Variants in WDR7 observed in about 807,000 individuals in gnomAD.
The protein encoded by WDR7 is WD repeat-containing protein 7.
WDR7 carries 46 observed loss-of-function variants against 169.4 expected under a neutral mutation model. That is an observed-to-expected ratio of 0.27 (90% CI 0.21 to 0.35). The LOEUF (loss-of-function observed/expected upper bound fraction) is 0.35. WDR7 is among the 10% of genes least tolerant of loss of function. The probability of loss-of-function intolerance (pLI) is 1.00; values close to 1 mark genes in which losing one functional copy is unlikely to be tolerated. For synonymous variants in WDR7, 612 were observed against 666.8 expected (o/e 0.92, Z 1.27); for missense variants, 1,534 against 1,859.3 (o/e 0.83, Z 3.22).
At chr18:56,989,381 A>G (rs149398643) in intron 26 of WDR7, among the ~76,000 whole-genome samples, 8,801 of 152,206 alleles carry the variant, frequency 0.058, 339 homozygotes, top group Non-Finnish European at 0.088. Context: ...TTAAAAAATG[A>G]TATTTTTTCC....
chr18:56,783,454 T>G (rs1048994050), intron 19 of WDR7, among the ~76,000 whole-genome samples: 1 of 152,164 alleles, frequency 6.6e-6, no homozygotes, highest in African/African-American at 2.4e-5. Flanking sequence ...AAGGACAAAC[T>G]ATGACTATAG....
intron 19 of WDR7, among the ~76,000 whole-genome samples, chr18:56,782,787 C>T (rs1047036146): frequency 1.4e-4 from 21 of 152,190 alleles, no homozygotes; most frequent in African/African-American, 4.8e-4. Flanking sequence ...CAGATCTTTG[C>T]CAGTGGTGAC....
At chr18:56,670,114 T>G (rs941355259) in intron 1 of WDR7, among the ~76,000 whole-genome samples, 2 of 152,192 alleles carry the variant, frequency 1.3e-5, no homozygotes, top group African/African-American at 4.8e-5. Context: ...CCCTTTTTTT[T>G]GTTTTTGTTT....
intron 20 of WDR7, among the ~76,000 whole-genome samples, chr18:56,829,179 C>T (rs1419662215): frequency 6.6e-6 from 1 of 150,706 alleles, no homozygotes; most frequent in African/African-American, 2.4e-5. Flanking sequence ...GTCTCAGCTA[C>T]TTGGGAGGCT....
At chr18:56,795,009 A>G (rs2044559352) in intron 19 of WDR7, among the ~76,000 whole-genome samples, 2 of 152,318 alleles carry the variant, frequency 1.3e-5, no homozygotes, top group Middle Eastern at 3.4e-3. Flanking sequence ...TACTTCTCTA[A>G]GGAGAATCTT....
At chr18:56,721,966 A>T (rs1369434370) in intron 13 of WDR7, among the ~76,000 whole-genome samples, 1 of 152,064 alleles carries the variant, frequency 6.6e-6, no homozygotes, top group Non-Finnish European at 1.5e-5. Flanking sequence ...AGGACTTGTG[A>T]ATTTATTTGT....
At chr18:56,876,152 A>G (rs987191878) in intron 20 of WDR7, among the ~76,000 whole-genome samples, 4 of 152,136 alleles carry the variant, frequency 2.6e-5, no homozygotes, top group Admixed American at 2.0e-4. Context: ...AGTAAAACAA[A>G]TAGATAAAAT....
intron 2 of WDR7, among the ~76,000 whole-genome samples, chr18:56,673,502 ATT>A (rs2144527637): frequency 6.6e-6 from 1 of 152,244 alleles, no homozygotes; most frequent in African/African-American, 2.4e-5. Context: ...ATTTTAGAAC[ATT>A]TTCATCACTT....
intron 13 of WDR7, among the ~76,000 whole-genome samples, chr18:56,719,957 G>A (rs1487779986): frequency 6.6e-6 from 1 of 152,180 alleles, no homozygotes; most frequent in African/African-American, 2.4e-5. Flanking sequence ...GCAATTGTAA[G>A]CTTGTGTGTG....
chr18:56,972,584 A>G (rs111297421), intron 26 of WDR7, among the ~76,000 whole-genome samples: 2,362 of 152,288 alleles, frequency 0.016, 27 homozygotes, highest in Non-Finnish European at 0.026. Context: ...AGGGGTGATC[A>G]TAAGATGAAT....
At chr18:56,815,696 T>C (rs956494534) in intron 19 of WDR7, among the ~76,000 whole-genome samples, 20 of 152,202 alleles carry the variant, frequency 1.3e-4, no homozygotes, top group African/African-American at 4.8e-4. Context: ...CTTTCCTCTT[T>C]GTTGAATAAT....
chr18:57,033,685 T>C (rs893169), downstream of WDR7: 77,639 of 149,812 alleles, frequency 0.52, 22,037 homozygotes, highest in South Asian at 0.65. Context: ...GCCCAGGTCC[T>C]CCCACCCCCA....
chr18:56,947,362 G>A (rs2047119763), intron 25 of WDR7, among the ~76,000 whole-genome samples: 1 of 152,074 alleles, frequency 6.6e-6, no homozygotes, highest in Non-Finnish European at 1.5e-5. Context: ...TCTTCAAAAA[G>A]GCATCATCTA....
intron 26 of WDR7, among the ~76,000 whole-genome samples, chr18:56,998,395 T>C (rs545629076): frequency 4.6e-5 from 7 of 152,288 alleles, no homozygotes; most frequent in African/African-American, 1.4e-4. Context: ...TTCTATTTGA[T>C]AACATTGGGC....
At chr18:56,862,843 T>C (rs2045827380) in intron 20 of WDR7, among the ~76,000 whole-genome samples, 1 of 151,866 alleles carries the variant, frequency 6.6e-6, no homozygotes, top group South Asian at 2.1e-4. Flanking sequence ...TTACCTGCCT[T>C]CCAATTGATT....
chr18:56,907,586 A>C (rs1055542706), intron 21 of WDR7, among the ~76,000 whole-genome samples: 2 of 152,186 alleles, frequency 1.3e-5, no homozygotes, highest in Non-Finnish European at 2.9e-5. Flanking sequence ...TGTAATCTTT[A>C]GCTATTCTCT....
chr18:56,794,804 A>G (rs2044555673), intron 19 of WDR7, among the ~76,000 whole-genome samples: 1 of 152,172 alleles, frequency 6.6e-6, no homozygotes, highest in East Asian at 1.9e-4. Context: ...AACATGTTGC[A>G]TATTTCTTTT....
chr18:57,026,786 C>A (rs968496673), intron 27 of WDR7, among the ~76,000 whole-genome samples: 2 of 152,188 alleles, frequency 1.3e-5, no homozygotes, highest in African/African-American at 2.4e-5. Flanking sequence ...TCAGGTTCTA[C>A]CCCTATAAAA....
chr18:56,776,627 T>C, intron 16 of WDR7, 155 bp from the exon 17 acceptor site: 2 of 650,260 alleles, frequency 3.1e-6, no homozygotes, highest in Non-Finnish European at 5.5e-6. Flanking sequence ...CTGTAATCTT[T>C]AATGATCATG....
Sources: allele counts gnomAD v4.1 joint callset (sites outside exome capture counted in the v4.1 genomes callset), GRCh38; gene constraint gnomAD v4.1.1; transcripts MANE v1.5; gene names NCBI Gene and HGNC (gene_info 2026-07-23, HGNC 2026-07-21).